Variants in UGT1A8 observed in about 807,000 individuals in gnomAD.
The protein encoded by UGT1A8 is UDP-glucuronosyltransferase 1A8.
A neutral mutation model predicts 45.3 loss-of-function variants in UGT1A8; 39 were observed. The observed-to-expected ratio is 0.86, with a 90% CI of 0.67 to 1.12. The LOEUF (loss-of-function observed/expected upper bound fraction) is 1.12, where lower values mean the gene tolerates loss of function less well. Ranked by LOEUF, UGT1A8 falls within the 50% of genes most tolerant of loss-of-function variation. The pLI, the probability that UGT1A8 is intolerant of heterozygous loss-of-function variation, is 0.00. For missense variants in UGT1A8, 719 were observed against 664.9 expected, an observed-to-expected ratio of 1.08 and a Z score of -0.90; for synonymous variants, 275 against 249.2, an observed-to-expected ratio of 1.10 and a Z score of -0.97.
At chr2:233,734,343 T>G (rs1193439739) in intron 1 of UGT1A8, among the ~76,000 whole-genome samples, 2 of 152,200 alleles carry the variant, frequency 1.3e-5, no homozygotes, top group Admixed American at 6.5e-5. Flanking sequence ...TGATGGTAGT[T>G]TGTATTTCTG....
intron 1 of UGT1A8, chr2:233,672,852 T>C (rs918620346): frequency 2.1e-5 from 33 of 1,538,884 alleles, no homozygotes; most frequent in Non-Finnish European, 2.9e-5. Context: ...AAAAGGATTC[T>C]TTACTGAACT....
chr2:233,675,875 G>A (rs948812531), intron 1 of UGT1A8, among the ~76,000 whole-genome samples: 1 of 151,948 alleles, frequency 6.6e-6, no homozygotes, highest in African/African-American at 2.4e-5. Context: ...TTGTTACATA[G>A]CCACAATATC....
At chr2:233,741,101 A>C (rs559824040) in intron 1 of UGT1A8, among the ~76,000 whole-genome samples, 9 of 151,948 alleles carry the variant, frequency 5.9e-5, no homozygotes, top group Non-Finnish European at 8.8e-5. Context: ...GCAAACAGAC[A>C]ATCAAGCTTT....
intron 1 of UGT1A8, among the ~76,000 whole-genome samples, chr2:233,749,711 T>C (rs748201511): frequency 2.6e-5 from 4 of 151,836 alleles, no homozygotes; most frequent in African/African-American, 4.9e-5. Flanking sequence ...GATTGGATCA[T>C]GGGGGCAGTT....
intron 1 of UGT1A8, chr2:233,691,082 A>G (rs2075027745): frequency 1.0e-6 from 1 of 986,066 alleles, no homozygotes; most frequent in Admixed American, 6.1e-5. Context: ...TGAAGTTTGT[A>G]GCATCTCTTG....
rs564881528 is a variant in UGT1A8, at chr2:233,676,440, T to C, written c.855+57878T>C. On this transcript the variant is annotated intron_variant, in intron 1 of 4. Coordinates refer to ENST00000373450, the MANE Select transcript of UGT1A8 (RefSeq NM_019076.5). ...TTCCACCATTGTTAAATCTCATGTT[T>C]CTATGGCACATCCATCACAACTCAT... Among the ~76,000 whole-genome samples, 5 of 152,348 alleles carry C rather than the reference T, an allele frequency of 3.3e-5. No homozygotes were observed. In the South Asian group the frequency reaches 1.0e-3, roughly 32 times the overall value.
chr2:233,660,574 C>T (rs28969996), intron 1 of UGT1A8, among the ~76,000 whole-genome samples: 1,882 of 152,208 alleles, frequency 0.012, 37 homozygotes, highest in African/African-American at 0.042. Context: ...TGGGAGCTGG[C>T]GTTTATTTTT....
At chr2:233,619,484 T>G (rs2125447274) in intron 1 of UGT1A8, among the ~76,000 whole-genome samples, 1 of 152,284 alleles carries the variant, frequency 6.6e-6, no homozygotes, top group East Asian at 1.9e-4. Context: ...GGTTAGAGGG[T>G]TTTCCTGAAT....
At chr2:233,648,529 C>T (rs188354588) in intron 1 of UGT1A8, 48 of 163,950 alleles carry the variant, frequency 2.9e-4, no homozygotes, top group East Asian at 2.3e-3. Flanking sequence ...GGCGTGATCT[C>T]GGCTCACTGC....
At chr2:233,751,110 CCA>C (rs1235610368) in intron 1 of UGT1A8, among the ~76,000 whole-genome samples, 2 of 151,964 alleles carry the variant, frequency 1.3e-5, no homozygotes, top group African/African-American at 4.9e-5. Flanking sequence ...GCCCTGCAAG[CCA>C]CAGTGTCCAA....
At chr2:233,748,890 T>C (rs1434847115) in intron 1 of UGT1A8, among the ~76,000 whole-genome samples, 1 of 151,534 alleles carries the variant, frequency 6.6e-6, no homozygotes, top group African/African-American at 2.4e-5. Flanking sequence ...TGGACATGTG[T>C]CCAAGAAGGG....
In UGT1A8 at chr2:233,740,456, A is replaced by T. The variant is rs1042251699; in HGVS notation, c.856-26578A>T. ...GAAAGTGGAATCAGAGGAGAAGAAG[A>T]TGATGGACAGAAAGGATCATTCCCT... On this transcript the variant is annotated intron_variant, in intron 1 of 4. Transcript: ENST00000373450. 7.2e-5 allele frequency among the ~76,000 whole-genome samples: 11 copies of T among 151,968 alleles called. 1 individual carries two copies. The highest frequency in any genetic ancestry group is 2.4e-4 in the African/African-American group (10 of 41,218).
intron 1 of UGT1A8, among the ~76,000 whole-genome samples, chr2:233,697,414 G>T (rs1199791419): frequency 3.3e-5 from 5 of 151,592 alleles, no homozygotes; most frequent in African/African-American, 1.2e-4. Context: ...TGTGGTGTCA[G>T]TTGCTGTGTT....
intron 1 of UGT1A8, among the ~76,000 whole-genome samples, chr2:233,745,359 T>C (rs1693087211): frequency 6.6e-6 from 1 of 151,886 alleles, no homozygotes; most frequent in Admixed American, 6.5e-5. Flanking sequence ...GGGAATTTTT[T>C]TGAGATCTGA....
intron 1 of UGT1A8, among the ~76,000 whole-genome samples, chr2:233,703,357 C>G (rs1254530363): frequency 2.0e-5 from 3 of 151,876 alleles, no homozygotes; most frequent in South Asian, 4.1e-4. Context: ...GTTAATCTAA[C>G]TTTAGGTTTA....
chr2:233,695,130 C>CTTTCTTTTTTTTT lies in UGT1A8; in HGVS notation c.856-71901_856-71900insCTTTTTTTTTTTT, dbSNP rs1364557158. ...GCCCATTAACCAACCCTTTTCTTTT[C>CTTTCTTTTTTTTT]TTTTTTTTTTTTTTGAGACAGAGTC... On this transcript the variant is annotated intron_variant, in intron 1 of 4. Coordinates refer to ENST00000373450, the MANE Select transcript of UGT1A8 (RefSeq NM_019076.5). Among the ~76,000 whole-genome samples the CTTTCTTTTTTTTT allele has an allele frequency of 2.6e-4, 36 of 138,832 alleles. 1 individual carries two copies. The highest frequency in any genetic ancestry group is 2.4e-4 in the African/African-American group (9 of 36,850). 91.1% of individuals were successfully genotyped at this position (138,832 alleles called of 152,430 possible).
chr2:233,770,282 A>G (rs1416601751), intron 4 of UGT1A8: 1 of 152,218 alleles, frequency 6.6e-6, no homozygotes, highest in Admixed American at 6.5e-5. Context: ...CAAAATAAAA[A>G]GAAGTGGAAA....
intron 1 of UGT1A8, among the ~76,000 whole-genome samples, chr2:233,705,792 T>C (rs1402814731): frequency 2.6e-5 from 4 of 152,152 alleles, no homozygotes; most frequent in African/African-American, 7.2e-5. Context: ...AAAATGCCCC[T>C]TGTTCAAAAA....
intron 1 of UGT1A8, chr2:233,729,169 G>A: frequency 1.2e-6 from 2 of 1,613,744 alleles, no homozygotes; most frequent in Non-Finnish European, 1.7e-6. Flanking sequence ...GCTGGCCACA[G>A]GACTGCTGCT....
Sources: gnomAD v4.1 joint callset for allele counts (sites outside exome capture counted in the v4.1 genomes callset) on GRCh38, gnomAD v4.1.1 for gene constraint, MANE v1.5 for transcripts, NCBI Gene and HGNC (gene_info 2026-07-23, HGNC 2026-07-21) for gene names.